The following MGAT4C variants were observed in gnomAD, a reference collection of about 807,000 sequenced individuals.
MGAT4C encodes the protein alpha-1,3-mannosyl-glycoprotein 4-beta-N-acetylglucosaminyltransferase C.
A neutral mutation model predicts 40.1 loss-of-function variants in MGAT4C; 19 were observed. The ratio of observed to expected loss-of-function variants is 0.47; its 90% confidence interval spans 0.33 to 0.70. MGAT4C has a LOEUF of 0.70. Among genes scored for constraint, MGAT4C ranks in the 30% least tolerant of loss-of-function variants. The probability of loss-of-function intolerance (pLI) is 0.02; values close to 1 mark genes in which losing one functional copy is unlikely to be tolerated. For missense variants in MGAT4C, 491 were observed against 563.2 expected (o/e 0.87, Z 1.30); for synonymous variants, 181 against 187.1 (o/e 0.97, Z 0.27).
At chr12:86,541,234 A>G (rs1959166253) in intron 2 of MGAT4C, among the ~76,000 whole-genome samples, 1 of 152,226 alleles carries the variant, frequency 6.6e-6, no homozygotes, top group African/African-American at 2.4e-5. Context: ...AAAGTCTTCA[A>G]TTGCAACATT....
At chr12:86,400,788 G>C (rs1956342101) in intron 3 of MGAT4C, among the ~76,000 whole-genome samples, 1 of 152,168 alleles carries the variant, frequency 6.6e-6, no homozygotes, top group Non-Finnish European at 1.5e-5. Flanking sequence ...GGCTAATATA[G>C]AGGTAGTCAT....
At chr12:86,721,125 G>A (rs985063500) in intron 2 of MGAT4C, among the ~76,000 whole-genome samples, 2 of 152,098 alleles carry the variant, frequency 1.3e-5, no homozygotes, top group South Asian at 2.1e-4. Context: ...AAAACTAAAG[G>A]GGAAACAGAG....
chr12:86,700,021 G>C (rs1311508824), intron 2 of MGAT4C, among the ~76,000 whole-genome samples: 1 of 43,346 alleles, frequency 2.3e-5, no homozygotes, highest in African/African-American at 6.8e-5. Context: ...TTGTTCAGGG[G>C]TCAAATTTAG....
intron 1 of MGAT4C, among the ~76,000 whole-genome samples, chr12:86,075,485 G>A (rs1249046961): frequency 6.6e-6 from 1 of 152,122 alleles, no homozygotes; most frequent in Non-Finnish European, 1.5e-5. Context: ...CTACCATTCT[G>A]GGGTCTGGAA....
At chr12:86,769,730 T>C (rs1055685660) in intron 1 of MGAT4C, among the ~76,000 whole-genome samples, 18 of 152,020 alleles carry the variant, frequency 1.2e-4, no homozygotes, top group African/African-American at 4.1e-4. Flanking sequence ...ATGGATGAAA[T>C]TGGAAATCAT....
intron 1 of MGAT4C, among the ~76,000 whole-genome samples, chr12:86,129,888 C>T (rs959339783): frequency 1.3e-5 from 2 of 152,082 alleles, no homozygotes; most frequent in Non-Finnish European, 2.9e-5. Flanking sequence ...AATTCCTGTT[C>T]CAACTTTAGC....
At chr12:86,534,668 A>T (rs1338563468) in intron 2 of MGAT4C, among the ~76,000 whole-genome samples, 1 of 152,158 alleles carries the variant, frequency 6.6e-6, no homozygotes, top group Non-Finnish European at 1.5e-5. Flanking sequence ...ACAAATAACC[A>T]TGGATAGTAA....
intron 1 of MGAT4C, among the ~76,000 whole-genome samples, chr12:86,164,018 T>C (rs1885905754): frequency 6.6e-6 from 1 of 152,138 alleles, no homozygotes; most frequent in Non-Finnish European, 1.5e-5. Flanking sequence ...CATACCTGAG[T>C]TGGTTTTAAA....
At chr12:86,613,362 T>C (rs1962347110) in intron 2 of MGAT4C, among the ~76,000 whole-genome samples, 1 of 152,204 alleles carries the variant, frequency 6.6e-6, no homozygotes, top group East Asian at 1.9e-4. Context: ...GCTTTTATTT[T>C]ATGTATTTAA....
chr12:86,311,710 G>T (rs1222889130), intron 4 of MGAT4C, among the ~76,000 whole-genome samples: 2 of 152,198 alleles, frequency 1.3e-5, no homozygotes, highest in African/African-American at 4.8e-5. Context: ...ATGCTTCTGT[G>T]TGTTTTAGAA....
At chr12:86,786,222 T>G (rs988119431) in intron 1 of MGAT4C, among the ~76,000 whole-genome samples, 1 of 152,106 alleles carries the variant, frequency 6.6e-6, no homozygotes, top group Admixed American at 6.5e-5. Context: ...CTATGAACAT[T>G]TATGCATAAA....
At chr12:86,401,641 T>C (rs898320700) in intron 3 of MGAT4C, among the ~76,000 whole-genome samples, 1 of 152,186 alleles carries the variant, frequency 6.6e-6, no homozygotes, top group Non-Finnish European at 1.5e-5. Flanking sequence ...TTCTGATTGA[T>C]GAGACAAAAG....
intron 2 of MGAT4C, among the ~76,000 whole-genome samples, chr12:86,493,160 A>C (rs1196081681): frequency 2.0e-5 from 3 of 150,806 alleles, no homozygotes; most frequent in Non-Finnish European, 2.9e-5. Context: ...GGTGCTGTAG[A>C]GGATGTGGAG....
chr12:86,736,205 A>G (rs1950983325), intron 1 of MGAT4C, among the ~76,000 whole-genome samples: 1 of 151,824 alleles, frequency 6.6e-6, no homozygotes, highest in Non-Finnish European at 1.5e-5. Context: ...CTGTGATTGT[A>G]TCCATGACTT....
chr12:86,442,169 T>G (rs1174395665), intron 2 of MGAT4C, among the ~76,000 whole-genome samples: 1 of 152,246 alleles, frequency 6.6e-6, no homozygotes, highest in Non-Finnish European at 1.5e-5. Flanking sequence ...TTCATATCCT[T>G]TGCCCACTTT....
intron 3 of MGAT4C, among the ~76,000 whole-genome samples, chr12:86,404,376 A>G (rs977183296): frequency 1.3e-5 from 2 of 152,194 alleles, no homozygotes; most frequent in Admixed American, 6.5e-5. Context: ...CTTATAAGGA[A>G]AAAGGGTCTT....
rs188837693 is a variant in MGAT4C at position 85,974,251 on chromosome 12, T to G, written c.*5038A>C. 5 of 150,842 alleles carry G rather than the reference T, an allele frequency of 3.3e-5. No individual in the cohort carries two copies. Among genetic ancestry groups the G allele is most frequent in the African/African-American group, 1.2e-4 (5 of 41,384 alleles). 9.3% of individuals were successfully genotyped at this position (150,842 alleles called of 1,614,324 possible). On this transcript the variant is annotated 3_prime_UTR_variant, in exon 5 of 5. Coordinates refer to ENST00000611864, the MANE Select transcript of MGAT4C (RefSeq NM_001351288.2). ...GTGCTGTGATTTTCAAAGGATGTCATGTATAAAAGATTTGAGTGAGAACAT... is the reference window on the plus strand; with the variant it reads ...GTGCTGTGATTTTCAAAGGATGTCAGGTATAAAAGATTTGAGTGAGAACAT...
chr12:86,584,877 AT>A (rs1026646440), intron 2 of MGAT4C, among the ~76,000 whole-genome samples: 7 of 141,542 alleles, frequency 4.9e-5, no homozygotes, highest in African/African-American at 1.8e-4. Flanking sequence ...ATTGATAGTC[AT>A]TTGCATTTTC....
At chr12:86,109,515 CTAAT>C (rs1161851352) in intron 1 of MGAT4C, among the ~76,000 whole-genome samples, 8 of 151,766 alleles carry the variant, frequency 5.3e-5, no homozygotes, top group Non-Finnish European at 1.0e-4. Flanking sequence ...TTTTGAATAT[CTAAT>C]TATATAGATT....
Sources: gnomAD v4.1 joint callset for allele counts (sites outside exome capture counted in the v4.1 genomes callset) on GRCh38, gnomAD v4.1.1 for gene constraint, MANE v1.5 for transcripts, NCBI Gene and HGNC (gene_info 2026-07-23, HGNC 2026-07-21) for gene names.